Variants in SRRM4 observed in about 807,000 individuals in gnomAD.
The protein encoded by SRRM4 is serine/arginine repetitive matrix protein 4.
Under a neutral mutation model 68.9 loss-of-function variants are expected in SRRM4, and 33 were observed. The ratio of observed to expected loss-of-function variants is 0.48; its 90% CI spans 0.36 to 0.64. The LOEUF (loss-of-function observed/expected upper bound fraction) is 0.64, where lower values mean the gene tolerates loss of function less well. SRRM4 is among the 30% of genes least tolerant of loss of function. The probability of loss-of-function intolerance (pLI) is 0.00; values close to 1 mark genes in which losing one functional copy is unlikely to be tolerated. For missense variants in SRRM4, 817 were observed against 827.1 expected (o/e 0.99, Z 0.15); for synonymous variants, 318 against 318.8 (o/e 1.00, Z 0.03).
chr12:119,140,077 A>G (rs888591173), intron 8 of SRRM4, among the ~76,000 whole-genome samples: 1 of 152,184 alleles, frequency 6.6e-6, no homozygotes, highest in Admixed American at 6.5e-5. Flanking sequence ...ATATAAGAAA[A>G]ATTATTGCTA....
intron 1 of SRRM4, among the ~76,000 whole-genome samples, chr12:119,055,346 T>G (rs2136018783): frequency 6.6e-6 from 1 of 152,216 alleles, no homozygotes; most frequent in Middle Eastern, 3.4e-3. Flanking sequence ...AAGACTATTC[T>G]AAAAAGCACA....
rs1212393393 is a variant in SRRM4 at position 119,154,956 on chromosome 12, T to C, written c.1532+573T>C. Among the ~76,000 whole-genome samples, 1 of 152,260 alleles carries C rather than the reference T, an allele frequency of 6.6e-6. No individual in the cohort carries two copies. The highest frequency in any genetic ancestry group is 1.9e-4 in the East Asian group (1 of 5,182). On this transcript the variant is annotated intron_variant, in intron 12 of 12. Coordinates refer to ENST00000267260, the MANE Select transcript of SRRM4 (RefSeq NM_194286.4). The surrounding 1 kb of genome is among the most constrained non-coding windows in gnomAD (Gnocchi z 4.7). ...TAAGCCGGAGAGCACTGGATGTGGA[T>C]TGGAATCCTGAATGTACCACTTTGC... is the stretch of plus-strand genomic sequence containing the variant.
Position 119,109,170 on chromosome 12 carries a change from A to G in SRRM4, c.279-5108A>G, listed in dbSNP as rs544088391. ...TGGCCCCCACCCTCTTCTGGCTTGT[A>G]GAGTTTCTGCCGAGAGATCAGCTGT... On this transcript the variant is annotated intron_variant, in intron 2 of 12. Transcript: ENST00000267260. 2.2e-3 allele frequency among the ~76,000 whole-genome samples: 328 copies of G among 152,236 alleles called. 3 individuals are homozygous for G. The highest frequency in any genetic ancestry group is 7.3e-3 in the African/African-American group (303 of 41,544).
At chr12:119,079,607 T>C (rs1342432475) in intron 1 of SRRM4, among the ~76,000 whole-genome samples, 1 of 152,218 alleles carries the variant, frequency 6.6e-6, no homozygotes, top group Admixed American at 6.5e-5. Context: ...CCTGCCGCAT[T>C]GCACACTTAG....
intron 7 of SRRM4, among the ~76,000 whole-genome samples, chr12:119,126,661 A>G (rs79867761): frequency 0.014 from 2,114 of 152,320 alleles, 62 homozygotes; most frequent in African/African-American, 0.048. Flanking sequence ...CTGAGAAGGC[A>G]TCTTGTTGAT....
chr12:119,156,797 A>G lies in SRRM4; in HGVS notation c.1835A>G (p.Ter612=). The G allele has an allele frequency of 6.6e-7, 1 of 1,525,962 alleles. No homozygotes were observed. 94.5% of individuals were successfully genotyped at this position (1,525,962 alleles called of 1,614,324 possible). The stretch of plus-strand genomic sequence containing the variant: ...GACAGCTACTCCAGCACGAGGCGCT[A>G]AGTGCCCCTGAGCCAGCTGCCCGTG... The part of the protein sequence containing the change: ...SADSYSSTRR[*] The change falls in exon 13 of 13, where the codon TAA becomes TGA. Residue 612 remains the stop codon, a stop_retained_variant. Transcript: ENST00000267260.
chr12:119,134,100 T>C (rs190437738), intron 8 of SRRM4, among the ~76,000 whole-genome samples: 1 of 152,300 alleles, frequency 6.6e-6, no homozygotes, highest in Admixed American at 6.5e-5. Context: ...TGAAGGATTT[T>C]CTATGCCATA....
chr12:119,025,739 G>A (rs953402236), intron 1 of SRRM4, among the ~76,000 whole-genome samples: 10 of 152,056 alleles, frequency 6.6e-5, no homozygotes, highest in Non-Finnish European at 8.8e-5. Flanking sequence ...CCACTGTGCC[G>A]GTCTCATATA....
chr12:119,121,239 G>T (rs4767785), intron 5 of SRRM4, among the ~76,000 whole-genome samples: 3 of 151,864 alleles, frequency 2.0e-5, no homozygotes, highest in South Asian at 2.1e-4. Flanking sequence ...CTGGCTTCAA[G>T]GTGTAAGATA....
intron 1 of SRRM4, among the ~76,000 whole-genome samples, chr12:119,040,478 T>G (rs541185207): frequency 1.3e-5 from 2 of 152,326 alleles, no homozygotes; most frequent in African/African-American, 4.8e-5. Context: ...GTTACTTCAC[T>G]TAGAATGATA....
At chr12:119,108,623 G>C (rs1047141992) in intron 2 of SRRM4, among the ~76,000 whole-genome samples, 2 of 150,772 alleles carry the variant, frequency 1.3e-5, no homozygotes, top group African/African-American at 4.9e-5. Context: ...TTTTATCAGA[G>C]ACTAGGATTG....
chr12:119,065,288 A>G (rs1953838850), intron 1 of SRRM4, among the ~76,000 whole-genome samples: 2 of 152,216 alleles, frequency 1.3e-5, no homozygotes, highest in African/African-American at 4.8e-5. Flanking sequence ...CCTGCCCTCC[A>G]TCAAAAATGT....
At chr12:119,078,239 G>A (rs1172292424) in intron 1 of SRRM4, among the ~76,000 whole-genome samples, 3 of 152,168 alleles carry the variant, frequency 2.0e-5, no homozygotes, top group African/African-American at 7.2e-5. Flanking sequence ...CAACCCTTAT[G>A]TCCTGGTATT....
intron 8 of SRRM4, among the ~76,000 whole-genome samples, chr12:119,139,965 A>G (rs11064683): frequency 0.12 from 17,668 of 152,216 alleles, 1,666 homozygotes; most frequent in African/African-American, 0.25. Flanking sequence ...GGCATACACT[A>G]TGTAAGGATC....
Position 119,156,725 on chromosome 12 carries a change from G to A in SRRM4, c.1763G>A (p.Arg588Gln), listed in dbSNP as rs1009179739. ...GSRSRSRSRS[R>Q]SRSRSRSQSR... ...CGCAGCCGGAGCCGGAGCAGGAGCC[G>A]GAGCCGGAGCCGGAGCAGGAGCCAG... is the stretch of plus-strand genomic sequence containing the variant. The change falls in exon 13 of 13, where the codon CGG becomes CAG. Residue 588 changes from arginine to glutamine, a missense_variant. Arg to Gln is a conservative substitution (Grantham distance 43, BLOSUM62 1). Transcript: ENST00000267260. 3.2e-6 allele frequency: 5 copies of A among 1,546,552 alleles called. No homozygotes were observed. The highest frequency in any genetic ancestry group is 2.0e-4 in the Middle Eastern group (1 of 5,074).
intron 1 of SRRM4, among the ~76,000 whole-genome samples, chr12:118,994,673 C>T (rs1046900448): frequency 6.6e-6 from 1 of 152,202 alleles, no homozygotes; most frequent in African/African-American, 2.4e-5. Flanking sequence ...AATTCTACTC[C>T]ACCACCTAGT....
chr12:119,146,264 A>G (rs1299385197), intron 9 of SRRM4, among the ~76,000 whole-genome samples: 1 of 152,182 alleles, frequency 6.6e-6, no homozygotes, highest in Non-Finnish European at 1.5e-5. Flanking sequence ...AAAAAAACAG[A>G]TGACAATTTT....
chr12:119,094,882 G>A (rs1196399614), intron 1 of SRRM4, among the ~76,000 whole-genome samples: 1 of 152,216 alleles, frequency 6.6e-6, no homozygotes, highest in Non-Finnish European at 1.5e-5. Flanking sequence ...ATACTAAGTA[G>A]GTGTTCAGTA....
chr12:119,041,319 GC>G (rs1416842181), intron 1 of SRRM4, among the ~76,000 whole-genome samples: 1 of 152,118 alleles, frequency 6.6e-6, no homozygotes, highest in African/African-American at 2.4e-5. Context: ...TTTTGATTGG[GC>G]CGCTTAACTT....
Sources: allele counts gnomAD v4.1 joint callset (sites outside exome capture counted in the v4.1 genomes callset), GRCh38; gene constraint gnomAD v4.1.1; non-coding constraint Gnocchi (gnomAD v3.1); transcripts MANE v1.5; gene names NCBI Gene and HGNC (gene_info 2026-07-23, HGNC 2026-07-21).